ASPH: variants seen among roughly 807,000 people sequenced by gnomAD.
The protein encoded by ASPH is aspartyl/asparaginyl beta-hydroxylase.
A neutral mutation model predicts 118.4 loss-of-function variants in ASPH; 100 were observed. That is an observed-to-expected ratio of 0.84 (90% CI 0.72 to 1.00). The LOEUF (loss-of-function observed/expected upper bound fraction) is 1.00. Ranked by LOEUF, ASPH falls within the 50% of genes least tolerant of loss-of-function variation. The pLI is 0.00. For synonymous variants in ASPH, 315 were observed against 325.6 expected (o/e 0.97, Z 0.35); for missense variants, 920 against 919.5 (o/e 1.00, Z -0.01).
At chr8:61,621,818 C>A (rs1851033168) in intron 13 of ASPH, among the ~76,000 whole-genome samples, 1 of 152,218 alleles carries the variant, frequency 6.6e-6, no homozygotes, top group African/African-American at 2.4e-5. Flanking sequence ...ATATGCTCAG[C>A]CCATCCCTGA....
At chr8:61,668,758 T>C (rs1324972820) in intron 3 of ASPH, among the ~76,000 whole-genome samples, 1 of 152,234 alleles carries the variant, frequency 6.6e-6, no homozygotes, top group African/African-American at 2.4e-5. Flanking sequence ...TCGCACTGTC[T>C]TTTAAAAAAT....
intron 3 of ASPH, among the ~76,000 whole-genome samples, chr8:61,671,860 C>T (rs1446818832): frequency 6.6e-6 from 1 of 152,222 alleles, no homozygotes; most frequent in Admixed American, 6.5e-5. Flanking sequence ...TCTGTGGTTA[C>T]ACCACATGCA....
chr8:61,630,579 T>C (rs1045762347), intron 13 of ASPH, among the ~76,000 whole-genome samples: 3 of 152,186 alleles, frequency 2.0e-5, no homozygotes, highest in Admixed American at 6.5e-5. Context: ...CATTTGATAA[T>C]GAAAATTCCT....
At chr8:61,560,152 T>C (rs1291044562) in intron 18 of ASPH, among the ~76,000 whole-genome samples, 8 of 152,164 alleles carry the variant, frequency 5.3e-5, no homozygotes, top group Admixed American at 5.2e-4. Context: ...GTGTATGGGT[T>C]TTAATAGATG....
At chr8:61,549,012 C>T (rs923556237) in intron 20 of ASPH, among the ~76,000 whole-genome samples, 7 of 152,144 alleles carry the variant, frequency 4.6e-5, no homozygotes, top group African/African-American at 1.7e-4. Flanking sequence ...CTGCACCATG[C>T]ATGTTCCATT....
At chr8:61,580,505 C>T (rs559043539) in intron 15 of ASPH, among the ~76,000 whole-genome samples, 1 of 152,334 alleles carries the variant, frequency 6.6e-6, no homozygotes, top group Admixed American at 6.5e-5. Flanking sequence ...AACAAACTAC[C>T]ACAAACTTGA....
intron 1 of ASPH, among the ~76,000 whole-genome samples, chr8:61,697,453 T>C (rs1834192178): frequency 6.6e-6 from 1 of 152,194 alleles, no homozygotes; most frequent in Admixed American, 6.5e-5. Flanking sequence ...GTTCTGACAC[T>C]ATCTACTTGC....
intron 3 of ASPH, among the ~76,000 whole-genome samples, chr8:61,654,420 C>T (rs756292370): frequency 6.6e-6 from 1 of 152,004 alleles, no homozygotes; most frequent in Non-Finnish European, 1.5e-5. Context: ...TCAAAGATTC[C>T]GTTTGCTGAT....
chr8:61,667,982 C>T (rs898840665), intron 3 of ASPH, among the ~76,000 whole-genome samples: 1 of 151,980 alleles, frequency 6.6e-6, no homozygotes, highest in Non-Finnish European at 1.5e-5. Context: ...ATAATATATA[C>T]ATTCTTAATT....
intron 21 of ASPH, among the ~76,000 whole-genome samples, chr8:61,539,699 G>GGTGTGTGTTTGTGTGT (rs1554618406): frequency 8.1e-6 from 1 of 124,214 alleles, no homozygotes. Context: ...ACACTTCTGG[G>GGTGTGTGTTTGTGTGT]GTGTGTGTGT....
intron 13 of ASPH, chr8:61,631,612 A>G (rs916397766): frequency 4.6e-5 from 7 of 152,188 alleles, no homozygotes; most frequent in African/African-American, 1.4e-4. Flanking sequence ...ACACACTCTC[A>G]GTCTGTAGCC....
intron 3 of ASPH, chr8:61,659,399 CAA>C (rs1169321573): frequency 2.0e-5 from 3 of 152,072 alleles, no homozygotes; most frequent in African/African-American, 7.2e-5. Flanking sequence ...TAATAGGACA[CAA>C]GAGAAGTGAT....
intron 22 of ASPH, among the ~76,000 whole-genome samples, 164 bp from the exon 23 acceptor site, chr8:61,518,287 A>G (rs558697155): frequency 6.6e-6 from 1 of 152,364 alleles, no homozygotes; most frequent in Non-Finnish European, 1.5e-5. Context: ...GGAAATAAAT[A>G]AAAATTTATC....
intron 14 of ASPH, among the ~76,000 whole-genome samples, chr8:61,589,862 T>A (rs1840570157): frequency 6.6e-6 from 1 of 152,158 alleles, no homozygotes; most frequent in African/African-American, 2.4e-5. Context: ...GAGGAATATG[T>A]GCAATTATAG....
chr8:61,696,112 T>C (rs768647488), intron 1 of ASPH, among the ~76,000 whole-genome samples: 8 of 152,146 alleles, frequency 5.3e-5, no homozygotes, highest in Middle Eastern at 3.2e-3. Flanking sequence ...TGGATGACTG[T>C]CACATGGGCT....
intron 2 of ASPH, chr8:61,683,797 C>G (rs1829310097): frequency 1.8e-5 from 7 of 382,156 alleles, no homozygotes; most frequent in Admixed American, 4.1e-5. Flanking sequence ...AAACTTCTCC[C>G]TGTGTGACAG....
chr8:61,624,745 C>T lies in ASPH; in HGVS notation c.935-5726G>A. 4.1e-6 allele frequency: 4 copies of T among 985,024 alleles called. No homozygotes were observed. The African/African-American group carries it at 7.1e-5, about 17-fold the overall frequency. 61.0% of individuals were successfully genotyped at this position (985,024 alleles called of 1,614,324 possible). A position where few individuals can be genotyped will look rare whatever the true frequency, so the allele number is the denominator to read the frequency against. ...TTCTACAAAAATCCAGCAAAACTTA[C>T]TTTTACTCATTCATCAGTTCTATGT... is the stretch of plus-strand genomic sequence containing the variant. On this transcript the variant is annotated intron_variant, in intron 13 of 24. Transcript: ENST00000379454.
At chr8:61,534,080 T>C (rs1818595563) in intron 21 of ASPH, among the ~76,000 whole-genome samples, 1 of 152,202 alleles carries the variant, frequency 6.6e-6, no homozygotes. Flanking sequence ...CCTGTGTAGC[T>C]GGGATTACAG....
At position 61,643,991 on chromosome 8, in the gene ASPH, G is replaced by A; in HGVS notation, c.663C>T (p.Asp221=). 1 of 1,609,296 alleles carries A rather than the reference G, an allele frequency of 6.2e-7. No homozygotes were observed. Among genetic ancestry groups the A allele is most frequent in the East Asian group, 2.2e-5 (1 of 44,698 alleles). The stretch of plus-strand genomic sequence containing the variant: ...TCATCTCTTCCATATCCTGATTACA[G>A]TCTTGTGAAACTATAAATTATGGAA... ...SYHVEETVSQ[D]CNQDMEEMMS... The change falls in exon 8 of 25, where the codon GAC becomes GAT. Residue 221 remains aspartate (D), a synonymous_variant. Transcript: ENST00000379454.
Sources: allele counts gnomAD v4.1 joint callset (sites outside exome capture counted in the v4.1 genomes callset), GRCh38; gene constraint gnomAD v4.1.1; transcripts MANE v1.5; gene names NCBI Gene and HGNC (gene_info 2026-07-23, HGNC 2026-07-21).